The following CACNA1C variants were observed in gnomAD, a reference collection of about 807,000 sequenced individuals.
CACNA1C encodes the protein calcium voltage-gated channel subunit alpha1 C, also known as voltage-dependent L-type calcium channel subunit alpha-1C.
CACNA1C carries 30 observed loss-of-function variants against 229.0 expected under a neutral mutation model. The ratio of observed to expected loss-of-function variants is 0.13; its 90% CI spans 0.10 to 0.18. The LOEUF (loss-of-function observed/expected upper bound fraction) is 0.18, where lower values mean the gene tolerates loss of function less well. CACNA1C is among the 10% of genes least tolerant of loss of function. The probability of loss-of-function intolerance (pLI) is 1.00; values close to 1 mark genes in which losing one functional copy is unlikely to be tolerated. For synonymous variants in CACNA1C, 1,114 were observed against 1,132.5 expected (o/e 0.98, Z 0.33); for missense variants, 1,658 against 2,845.0 (o/e 0.58, Z 9.49).
intron 1 of CACNA1C, among the ~76,000 whole-genome samples, chr12:2,017,210 G>GTGCCTAC (rs2045546838): frequency 6.6e-6 from 1 of 152,198 alleles, no homozygotes. Flanking sequence ...ATGAGACTGG[G>GTGCCTAC]ATGGTGGCAC....
At chr12:2,264,037 G>T (rs998119461) in intron 3 of CACNA1C, among the ~76,000 whole-genome samples, 8 of 152,250 alleles carry the variant, frequency 5.3e-5, no homozygotes, top group African/African-American at 1.7e-4. Context: ...CCAAAGAGCA[G>T]CAGAGTAGCC....
rs1445262924 is a variant in CACNA1C, at chr12:2,692,072, G to A, written c.*873G>A. 4 of 152,174 alleles carry A rather than the reference G, an allele frequency of 2.6e-5. No homozygotes were observed. The highest frequency in any genetic ancestry group is 7.2e-5 in the African/African-American group (3 of 41,438). The allele number at this position is 152,174 out of a possible 1,614,324, so 9.4% of individuals were successfully genotyped here. On this transcript the variant is annotated 3_prime_UTR_variant, in exon 47 of 47. Coordinates refer to ENST00000399655, the MANE Select transcript of CACNA1C (RefSeq NM_000719.7). ...TTTTCACTTTTGCCAATGTACATCG[G>A]GTTTGGTTTTCTTGTATTATTTAAA... is the stretch of plus-strand genomic sequence containing the variant.
intron 2 of CACNA1C, among the ~76,000 whole-genome samples, chr12:2,119,910 A>G (rs957544862): frequency 2.8e-4 from 42 of 152,378 alleles, no homozygotes; most frequent in African/African-American, 1.0e-3. Context: ...TGTTCCACCC[A>G]TGTCCCCCGT....
chr12:2,490,908 T>TCA (rs2099723451), intron 6 of CACNA1C, among the ~76,000 whole-genome samples: 1 of 152,146 alleles, frequency 6.6e-6, no homozygotes, highest in Non-Finnish European at 1.5e-5. Flanking sequence ...AACACAGGAC[T>TCA]CACACACAAC....
intron 3 of CACNA1C, among the ~76,000 whole-genome samples, chr12:2,173,077 TCTTA>T (rs781226523): frequency 9.1e-4 from 139 of 152,348 alleles, no homozygotes; most frequent in Non-Finnish European, 6.9e-4. Flanking sequence ...CGGCGGTGTC[TCTTA>T]CTTAAGAGTG....
chr12:2,230,032 G>A (rs563934373), intron 3 of CACNA1C, among the ~76,000 whole-genome samples: 239 of 152,344 alleles, frequency 1.6e-3, no homozygotes, highest in Non-Finnish European at 3.1e-3. Flanking sequence ...TCTGAGAACT[G>A]CCTTAAGCTC....
At chr12:2,196,348 T>C (rs187410938) in intron 3 of CACNA1C, among the ~76,000 whole-genome samples, 72 of 152,314 alleles carry the variant, frequency 4.7e-4, no homozygotes, top group Non-Finnish European at 4.1e-4. Context: ...AGGTGATAAA[T>C]TGTGATAAAG....
At chr12:2,167,073 C>A (rs1249188608) in intron 3 of CACNA1C, among the ~76,000 whole-genome samples, 1 of 152,184 alleles carries the variant, frequency 6.6e-6, no homozygotes, top group East Asian at 1.9e-4. Flanking sequence ...TTCATTCAAC[C>A]CACGTTTATC....
chr12:1,979,793 T>G (rs944981935), intron 1 of CACNA1C, among the ~76,000 whole-genome samples: 1 of 152,248 alleles, frequency 6.6e-6, no homozygotes, highest in Non-Finnish European at 1.5e-5. Context: ...CTTTTTAATT[T>G]TAGCCATTCT....
intron 3 of CACNA1C, among the ~76,000 whole-genome samples, chr12:2,121,789 C>A (rs570270230): frequency 3.3e-5 from 5 of 152,362 alleles, no homozygotes; most frequent in African/African-American, 1.2e-4. Flanking sequence ...GTGTAGCCAC[C>A]TCCTTCCTCT....
rs148532503 is a variant in CACNA1C, at chr12:2,391,375, T to G, written c.478-57601T>G. Among the ~76,000 whole-genome samples the G allele has an allele frequency of 6.5e-3, 994 of 152,172 alleles. 11 individuals carry two copies. The highest frequency in any genetic ancestry group is 0.022 in the African/African-American group (918 of 41,528). ...TAGATGAGATGACTCAGAGAGCAAG[T>G]GTGGAGCGAGAGGACTTGGGAACCC... On this transcript the variant is annotated intron_variant, in intron 3 of 46. Coordinates refer to ENST00000399655, the MANE Select transcript of CACNA1C (RefSeq NM_000719.7).
At chr12:2,448,547 G>A (rs1444938812) in intron 3 of CACNA1C, among the ~76,000 whole-genome samples, 1 of 152,162 alleles carries the variant, frequency 6.6e-6, no homozygotes, top group African/African-American at 2.4e-5. Flanking sequence ...TTCAGGGCTT[G>A]TTCCTGCAGA....
At chr12:2,590,785 TTAAAA>T (rs780531763) in intron 18 of CACNA1C, among the ~76,000 whole-genome samples, 7 of 152,188 alleles carry the variant, frequency 4.6e-5, no homozygotes, top group Non-Finnish European at 1.0e-4. Flanking sequence ...ACACAAATGA[TTAAAA>T]TAAGCATAAA....
intron 2 of CACNA1C, among the ~76,000 whole-genome samples, chr12:2,116,947 A>G (rs1232751746): frequency 1.3e-5 from 2 of 152,198 alleles, no homozygotes; most frequent in Non-Finnish European, 2.9e-5. Context: ...AGAGATAAAG[A>G]AAGTTTCTAT....
At chr12:2,335,605 G>A (rs1347712560) in intron 3 of CACNA1C, among the ~76,000 whole-genome samples, 1 of 152,134 alleles carries the variant, frequency 6.6e-6, no homozygotes, top group Admixed American at 6.5e-5. Context: ...TTTCACATGT[G>A]TCTACTCCCA....
intron 1 of CACNA1C, among the ~76,000 whole-genome samples, chr12:1,980,498 T>C (rs1380638379): frequency 6.6e-6 from 1 of 152,080 alleles, no homozygotes; most frequent in Non-Finnish European, 1.5e-5. Context: ...TATATGTACA[T>C]GTTCTCAATA....
intron 3 of CACNA1C, among the ~76,000 whole-genome samples, chr12:2,292,516 G>C (rs148172507): frequency 6.6e-6 from 1 of 152,168 alleles, no homozygotes; most frequent in Admixed American, 6.5e-5. Flanking sequence ...GACAGCCCAC[G>C]TTTGAAACCT....
intron 4 of CACNA1C, among the ~76,000 whole-genome samples, chr12:2,454,249 T>C (rs7314292): frequency 0.22 from 33,987 of 152,192 alleles, 4,720 homozygotes; most frequent in African/African-American, 0.39. Flanking sequence ...GCTTCTTGGT[T>C]CTTGGATATC....
chr12:2,381,445 G>A (rs754708217), intron 3 of CACNA1C, among the ~76,000 whole-genome samples: 6 of 152,150 alleles, frequency 3.9e-5, no homozygotes, highest in South Asian at 2.1e-4. Flanking sequence ...ATGGATACTC[G>A]GTCAGAAATG....
Sources: gnomAD v4.1 joint callset for allele counts (sites outside exome capture counted in the v4.1 genomes callset) on GRCh38, gnomAD v4.1.1 for gene constraint, MANE v1.5 for transcripts, NCBI Gene and HGNC (gene_info 2026-07-23, HGNC 2026-07-21) for gene names.